Variants in USP32 observed in about 807,000 individuals in gnomAD.
USP32 encodes the protein ubiquitin specific peptidase 32, also known as ubiquitin carboxyl-terminal hydrolase 32.
In USP32, 59 loss-of-function variants were observed where a neutral mutation model predicts 204.8. The observed-to-expected ratio is 0.29, with a 90% confidence interval of 0.23 to 0.36. USP32 has a LOEUF of 0.36. USP32 is among the 10% of genes least tolerant of loss of function. The pLI is 1.00. For synonymous variants in USP32, 517 were observed against 678.4 expected, an observed-to-expected ratio of 0.76 and a Z score of 3.70; for missense variants, 1,160 against 1,946.4, an observed-to-expected ratio of 0.60 and a Z score of 7.60.
rs1267269908 is a variant in USP32, at chr17:60,269,437, T to G, written c.811+13A>C. ...ATAGTTTGCAATTTTTTGACAATGT[T>G]TAACACACTTACATTTTTGTCTTTC... On this transcript the variant is annotated intron_variant, in intron 7 of 33. Transcript: ENST00000300896. The G allele has an allele frequency of 6.2e-7, 1 of 1,603,282 alleles. No homozygotes were observed. The highest frequency in any genetic ancestry group is 1.1e-5 in the South Asian group (1 of 89,166).
Position 60,392,020 on chromosome 17 carries a change from G to T in USP32, c.-81C>A. On this transcript the variant is annotated 5_prime_UTR_variant, in exon 1 of 34. Coordinates refer to ENST00000300896, the MANE Select transcript of USP32 (RefSeq NM_032582.4). ...CCCGCCTTCTCCTCGGCGTCCCTGG[G>T]TGACGGTGACGGTGTCGGCGTCCCC... 1 of 1,474,102 alleles carries T rather than the reference G, an allele frequency of 6.8e-7. No homozygotes were observed. Among genetic ancestry groups the T allele is most frequent in the Non-Finnish European group, 9.2e-7 (1 of 1,087,780 alleles). The allele number at this position is 1,474,102 out of a possible 1,614,324, so 91.3% of individuals were successfully genotyped here.
chr17:60,269,080 A>C (rs1477547529), intron 7 of USP32, among the ~76,000 whole-genome samples: 1 of 152,240 alleles, frequency 6.6e-6, no homozygotes, highest in Non-Finnish European at 1.5e-5. Context: ...AATCTGTGCC[A>C]GTGGATGGAA....
chr17:60,254,346 AT>A (rs971818626), intron 10 of USP32, among the ~76,000 whole-genome samples: 1 of 152,160 alleles, frequency 6.6e-6, no homozygotes, highest in African/African-American at 2.4e-5. Context: ...CTTCTAAAGA[AT>A]AAAAATTAGG....
intron 1 of USP32, among the ~76,000 whole-genome samples, chr17:60,382,242 A>G (rs1312545719): frequency 6.6e-6 from 1 of 152,226 alleles, no homozygotes; most frequent in Non-Finnish European, 1.5e-5. Flanking sequence ...CAGCCAGCAC[A>G]GTGGCTCATG....
intron 12 of USP32, among the ~76,000 whole-genome samples, chr17:60,228,065 GCC>G (rs896940255): frequency 6.6e-5 from 10 of 150,500 alleles, no homozygotes; most frequent in African/African-American, 2.2e-4. Flanking sequence ...AAGCTCTGTC[GCC>G]CAGGCTGGAG....
chr17:60,336,151 T>C (rs975340456), intron 2 of USP32, among the ~76,000 whole-genome samples: 2 of 143,224 alleles, frequency 1.4e-5, no homozygotes, highest in Admixed American at 1.4e-4. Context: ...ATAATCTATG[T>C]AATGTTCTTG....
chr17:60,392,058 C>G lies in USP32; in HGVS notation c.-119G>C. On this transcript the variant is annotated 5_prime_UTR_variant, in exon 1 of 34. Transcript: ENST00000300896. ...TGTCGGCGTCCCCCGCCCCCACCTC[C>G]CCCCACACTAACAAGTGCGGCTTCT... 1 of 1,203,950 alleles carries G rather than the reference C, an allele frequency of 8.3e-7. No individual in the cohort carries two copies. The highest frequency in any genetic ancestry group is 1.2e-6 in the Non-Finnish European group (1 of 865,316). 74.6% of individuals were successfully genotyped at this position (1,203,950 alleles called of 1,614,324 possible).
chr17:60,273,960 T>A (rs112957616), intron 5 of USP32, among the ~76,000 whole-genome samples: 2,482 of 57,418 alleles, frequency 0.043, 33 homozygotes, highest in Middle Eastern at 0.13. Flanking sequence ...AGACTCAGTC[T>A]CAAAAAAAAA....
intron 1 of USP32, among the ~76,000 whole-genome samples, chr17:60,370,937 A>G (rs2089428115): frequency 6.6e-6 from 1 of 151,908 alleles, no homozygotes; most frequent in South Asian, 2.1e-4. Context: ...CTCTAAAAAA[A>G]TTAAAAGTAG....
At chr17:60,360,058 C>T (rs1317534530) in intron 1 of USP32, among the ~76,000 whole-genome samples, 3 of 150,950 alleles carry the variant, frequency 2.0e-5, no homozygotes, top group Admixed American at 6.6e-5. Context: ...TTAGTAGAAA[C>T]GGGGTTTCAC....
intron 1 of USP32, among the ~76,000 whole-genome samples, chr17:60,346,570 A>C (rs2088790740): frequency 6.6e-6 from 1 of 152,228 alleles, no homozygotes; most frequent in Non-Finnish European, 1.5e-5. Flanking sequence ...CAAAAACAAA[A>C]AAATTACTGA....
intron 11 of USP32, among the ~76,000 whole-genome samples, chr17:60,246,457 A>G (rs1268760948): frequency 6.6e-6 from 1 of 151,372 alleles, no homozygotes; most frequent in Non-Finnish European, 1.5e-5. Flanking sequence ...TGGACACTTA[A>G]GTTGATTCTG....
intron 2 of USP32, among the ~76,000 whole-genome samples, chr17:60,337,741 CA>C (rs1449240093): frequency 3.9e-5 from 6 of 151,992 alleles, no homozygotes; most frequent in Non-Finnish European, 8.8e-5. Context: ...ATTAACTGGG[CA>C]TGGTGGCACA....
intron 26 of USP32, among the ~76,000 whole-genome samples, chr17:60,203,682 T>A (rs958593199): frequency 6.6e-6 from 1 of 152,232 alleles, no homozygotes; most frequent in African/African-American, 2.4e-5. Context: ...GTTCAAGCGA[T>A]TCTCCTGCCT....
At chr17:60,408,504 A>G (rs1020915125) in intron 1 of USP32, among the ~76,000 whole-genome samples, 2 of 151,948 alleles carry the variant, frequency 1.3e-5, no homozygotes, top group Non-Finnish European at 2.9e-5. Flanking sequence ...CCGCCTCCCA[A>G]GTAGCTGGGA....
intron 5 of USP32, among the ~76,000 whole-genome samples, chr17:60,275,867 A>G (rs1035802876): frequency 1.3e-5 from 2 of 151,248 alleles, no homozygotes; most frequent in African/African-American, 4.9e-5. Flanking sequence ...ACCTGCCACC[A>G]TGCCTGGCTA....
At chr17:60,318,944 CATGA>C (rs1770941256) in intron 2 of USP32, among the ~76,000 whole-genome samples, 1 of 152,204 alleles carries the variant, frequency 6.6e-6, no homozygotes, top group African/African-American at 2.4e-5. Context: ...CATGTTACAA[CATGA>C]ATGAACTTTG....
At chr17:60,226,343 C>CA in intron 12 of USP32, 112 bp from the exon 13 acceptor site, 4 of 982,318 alleles carry the variant, frequency 4.1e-6, no homozygotes, top group Non-Finnish European at 5.6e-6. Context: ...TGTGGTTGGC[C>CA]ACAGACATTT....
chr17:60,332,660 T>C (rs898844175), intron 2 of USP32, among the ~76,000 whole-genome samples: 3 of 152,028 alleles, frequency 2.0e-5, no homozygotes, highest in African/African-American at 4.8e-5. Context: ...AAAAAAAAGT[T>C]TACTCTGCCC....
Sources: allele counts gnomAD v4.1 joint callset (sites outside exome capture counted in the v4.1 genomes callset), GRCh38; gene constraint gnomAD v4.1.1; transcripts MANE v1.5; gene names NCBI Gene and HGNC (gene_info 2026-07-23, HGNC 2026-07-21).